PIEZO2: variants seen among roughly 807,000 people sequenced by gnomAD.
The protein encoded by PIEZO2 is piezo-type mechanosensitive ion channel component 2.
PIEZO2 carries 172 observed loss-of-function variants against 337.3 expected under a neutral mutation model. That is an observed-to-expected ratio of 0.51 (90% CI 0.45 to 0.58). The LOEUF (loss-of-function observed/expected upper bound fraction) is 0.58. PIEZO2 is among the 20% of genes least tolerant of loss of function. The pLI is 0.00. For synonymous variants in PIEZO2, 1,251 were observed against 1,228.5 expected, an observed-to-expected ratio of 1.02 and a Z score of -0.38; for missense variants, 3,028 against 3,391.3, an observed-to-expected ratio of 0.89 and a Z score of 2.66.
chr18:11,049,144 G>A (rs897474309), intron 2 of PIEZO2, among the ~76,000 whole-genome samples: 7 of 152,180 alleles, frequency 4.6e-5, no homozygotes, highest in East Asian at 1.9e-4. Context: ...AGGAGCTACG[G>A]TTTCCTCCTC....
At chr18:10,701,732 G>C in intron 43 of PIEZO2, 1 of 356,762 alleles carries the variant, frequency 2.8e-6, no homozygotes, top group Non-Finnish European at 5.0e-6. Flanking sequence ...TTGGAAACAT[G>C]GGGAAACATT....
chr18:10,720,405 ATG>A (rs1223193384), intron 36 of PIEZO2, among the ~76,000 whole-genome samples: 171 of 11,570 alleles, frequency 0.015, 10 homozygotes, highest in African/African-American at 0.057. Flanking sequence ...GTGTGTGTGT[ATG>A]TGTATGTGTA....
At chr18:10,745,565 T>C (rs933106824) in intron 30 of PIEZO2, among the ~76,000 whole-genome samples, 4 of 152,170 alleles carry the variant, frequency 2.6e-5, no homozygotes, top group African/African-American at 9.7e-5. Context: ...ATAACCTATG[T>C]GATGGACTTC....
intron 3 of PIEZO2, among the ~76,000 whole-genome samples, chr18:10,919,338 TTATCATGATTAATTTCTACCATTTTAG>T (rs2031231370): frequency 6.6e-6 from 1 of 152,258 alleles, no homozygotes; most frequent in Non-Finnish European, 1.5e-5. Flanking sequence ...TGATGAATGT[TTATCATGATTAATTTCTACCATTTTAG>T]CTTTTGAATT....
intron 3 of PIEZO2, among the ~76,000 whole-genome samples, chr18:10,932,026 T>G (rs1235786193): frequency 6.6e-6 from 1 of 152,226 alleles, no homozygotes; most frequent in African/African-American, 2.4e-5. Context: ...ATGGCCTTGC[T>G]TATGACTTTT....
chr18:10,921,615 T>C (rs2031410540), intron 3 of PIEZO2, among the ~76,000 whole-genome samples: 1 of 152,122 alleles, frequency 6.6e-6, no homozygotes, highest in African/African-American at 2.4e-5. Context: ...TTGAACAATA[T>C]GAAATCTGGG....
Position 10,773,448 on chromosome 18 carries a change from C to G in PIEZO2, c.2749G>C (p.Glu917Gln). ...TCCTCCTCCTCGGATTCCTCCTCTT[C>G]CTCTCCGTCCTCCTCTGACTCCTCG... ...DSEESEEDGEEEEESEEEEET... is the reference protein window; with the variant it reads ...DSEESEEDGEQEEESEEEEET... Residue 917 changes from glutamate to glutamine, a missense_variant, in exon 20 of 56, where the codon GAA becomes CAA. By Grantham distance (29) the Glu-to-Gln change is conservative. This residue lies in a region of PIEZO2 where 1,925 missense variants were observed against 2,051.9 expected (regional missense o/e 0.94). Transcript: ENST00000674853. This position sits in a 1 kb window ranked among gnomAD's most constrained non-coding sequence, Gnocchi z 5.3. 2.6e-6 allele frequency: 4 copies of G among 1,537,420 alleles called. No individual in the cohort carries two copies. Among genetic ancestry groups the G allele is most frequent in the Non-Finnish European group, 3.5e-6 (4 of 1,146,976 alleles).
In PIEZO2 at chr18:10,850,629, C is replaced by T. The variant is rs1023033791; in HGVS notation, c.917+4724G>A. Among the ~76,000 whole-genome samples, 9 of 152,166 alleles carry T rather than the reference C, an allele frequency of 5.9e-5. No homozygotes were observed. The highest frequency in any genetic ancestry group is 2.2e-4 in the African/African-American group (9 of 41,442). Reference sequence around the variant, plus strand: ...AATATAGCTACACAATCACTTTGCACTCTATGAAAATTACATTTTAGAACA... The same window carrying T: ...AATATAGCTACACAATCACTTTGCATTCTATGAAAATTACATTTTAGAACA... On this transcript the variant is annotated intron_variant, in intron 7 of 55. Transcript: ENST00000674853. This position sits in a 1 kb window ranked among gnomAD's most constrained non-coding sequence, Gnocchi z 4.5.
chr18:10,684,014 T>C (rs2034394474), intron 49 of PIEZO2, among the ~76,000 whole-genome samples: 1 of 151,944 alleles, frequency 6.6e-6, no homozygotes, highest in Admixed American at 6.6e-5. Flanking sequence ...TTTCCCCTCC[T>C]CTCGAAATTT....
chr18:11,052,934 A>C (rs1047502016), intron 2 of PIEZO2, among the ~76,000 whole-genome samples: 4 of 150,154 alleles, frequency 2.7e-5, no homozygotes, highest in Middle Eastern at 3.4e-3. Flanking sequence ...TTATTAAGTG[A>C]CTAGGTTTCC....
rs528548505 is a variant in PIEZO2, at chr18:11,001,781, G to A, written c.161-22121C>T. ...TAACCCCAGCCACTCGGGAGGCTGA[G>A]GCATGAGAATAGCTTGAACCCAGGA... On this transcript the variant is annotated intron_variant, in intron 2 of 55. Transcript: ENST00000674853. The surrounding 1 kb of genome is among the most constrained non-coding windows in gnomAD (Gnocchi z 5.3). Among the ~76,000 whole-genome samples, 53 of 152,056 alleles carry A rather than the reference G, an allele frequency of 3.5e-4. No individual in the cohort carries two copies. Among genetic ancestry groups the A allele is most frequent in the Non-Finnish European group, 6.8e-4 (46 of 68,012 alleles).
rs1474852015 is a variant in PIEZO2, at chr18:11,069,992, C to T, written c.65-3770G>A. Among the ~76,000 whole-genome samples the T allele has an allele frequency of 2.6e-5, 4 of 152,158 alleles. No homozygotes were observed. The highest frequency in any genetic ancestry group is 5.9e-5 in the Non-Finnish European group (4 of 68,010). ...GACCTATAAATGGAAGAATATAAAA[C>T]ATTGATAATAGAAATTGAAGAAGAC... On this transcript the variant is annotated intron_variant, in intron 1 of 55. Coordinates refer to ENST00000674853, the MANE Select transcript of PIEZO2 (RefSeq NM_001378183.1). This position sits in a 1 kb window ranked among gnomAD's most constrained non-coding sequence, Gnocchi z 4.9.
intron 2 of PIEZO2, among the ~76,000 whole-genome samples, chr18:10,986,017 G>A (rs1396654311): frequency 2.0e-5 from 3 of 151,920 alleles, no homozygotes; most frequent in Non-Finnish European, 2.9e-5. Context: ...CTGAAAATGG[G>A]ATGGAAAAAG....
intron 1 of PIEZO2, among the ~76,000 whole-genome samples, chr18:11,108,823 C>T (rs542781968): frequency 6.6e-6 from 1 of 152,124 alleles, no homozygotes; most frequent in East Asian, 1.9e-4. Flanking sequence ...AAGCTGAAGA[C>T]CAGAGCTTGT....
At chr18:11,000,814 C>A in intron 2 of PIEZO2, among the ~76,000 whole-genome samples, 1 of 152,142 alleles carries the variant, frequency 6.6e-6, no homozygotes, top group East Asian at 1.9e-4. Context: ...GTTCTGGGAG[C>A]AGACTGAGGC....
chr18:10,730,763 G>A (rs540983495), intron 36 of PIEZO2, among the ~76,000 whole-genome samples: 1 of 152,122 alleles, frequency 6.6e-6, no homozygotes, highest in Non-Finnish European at 1.5e-5. Context: ...GTCTCCCTCT[G>A]TCGCCCAGGC....
chr18:11,029,234 G>A (rs541973786), intron 2 of PIEZO2, among the ~76,000 whole-genome samples: 8 of 152,180 alleles, frequency 5.3e-5, no homozygotes, highest in East Asian at 1.9e-4. Flanking sequence ...TTTTTCCTCC[G>A]TCACCCTTGC....
Position 10,828,132 on chromosome 18 carries a change from T to TTC in PIEZO2, c.918-20859_918-20858insGA, listed in dbSNP as rs2040734200. Among the ~76,000 whole-genome samples, 1 of 96,600 alleles carries TTC rather than the reference T, an allele frequency of 1.0e-5. No individual in the cohort carries two copies. Among genetic ancestry groups the TTC allele is most frequent in the East Asian group, 4.3e-4 (1 of 2,310 alleles). The allele number at this position is 96,600 out of a possible 152,430, so 63.4% of individuals were successfully genotyped here. ...AGCATGACGGTTTTTTTTTGTTTGT[T>TTC]TGTTTTTGTTTTTTTTTTTTTTTAC... On this transcript the variant is annotated intron_variant, in intron 7 of 55. Transcript: ENST00000674853. The surrounding 1 kb of genome is among the most constrained non-coding windows in gnomAD (Gnocchi z 4.1).
intron 33 of PIEZO2, 198 bp downstream of exon 33, chr18:10,740,833 T>A: frequency 1.4e-6 from 1 of 701,282 alleles, no homozygotes; most frequent in Non-Finnish European, 2.6e-6. Context: ...TCAGAACGTC[T>A]GTGCTGATGT....
Sources: gnomAD v4.1 joint callset for allele counts (sites outside exome capture counted in the v4.1 genomes callset) on GRCh38, gnomAD v4.1.1 for gene constraint, gnomAD v4.1.1 regional missense constraint, Gnocchi (gnomAD v3.1) non-coding constraint, MANE v1.5 for transcripts, NCBI Gene and HGNC (gene_info 2026-07-23, HGNC 2026-07-21) for gene names.